DPP10: variants seen among roughly 807,000 people sequenced by gnomAD.
The protein encoded by DPP10 is inactive dipeptidyl peptidase 10.
A neutral mutation model predicts 120.9 loss-of-function variants in DPP10; 33 were observed. That is an observed-to-expected ratio of 0.27 (90% confidence interval 0.21 to 0.37). DPP10 has a LOEUF of 0.37. Ranked by LOEUF, DPP10 falls within the 10% of genes least tolerant of loss-of-function variation. The pLI, the probability that DPP10 is intolerant of heterozygous loss-of-function variation, is 1.00. For missense variants in DPP10, 816 were observed against 942.8 expected (o/e 0.87, Z 1.76); for synonymous variants, 337 against 326.1 (o/e 1.03, Z -0.36).
chr2:115,756,773 CTT>C (rs1243814686), intron 11 of DPP10, among the ~76,000 whole-genome samples: 1 of 151,972 alleles, frequency 6.6e-6, no homozygotes, highest in Non-Finnish European at 1.5e-5. Flanking sequence ...TGAACAGAAA[CTT>C]ATTGACTCAC....
At chr2:114,552,628 C>T (rs1558873691) in intron 1 of DPP10, among the ~76,000 whole-genome samples, 1 of 152,210 alleles carries the variant, frequency 6.6e-6, no homozygotes, top group Non-Finnish European at 1.5e-5. Context: ...TCACTGCAAC[C>T]TCCGTCTCCC....
intron 1 of DPP10, among the ~76,000 whole-genome samples, chr2:114,624,667 T>C (rs1428541793): frequency 1.3e-5 from 2 of 152,002 alleles, no homozygotes; most frequent in Non-Finnish European, 1.5e-5. Context: ...TATAAGATTT[T>C]TATATTATAA....
chr2:114,545,474 G>T (rs186698572), intron 1 of DPP10, among the ~76,000 whole-genome samples: 3 of 152,162 alleles, frequency 2.0e-5, no homozygotes, highest in Non-Finnish European at 4.4e-5. Flanking sequence ...GAGGGACACT[G>T]TTGAGGAGAA....
intron 5 of DPP10, among the ~76,000 whole-genome samples, chr2:115,644,695 A>T (rs1290275622): frequency 6.6e-6 from 1 of 151,578 alleles, no homozygotes; most frequent in African/African-American, 2.4e-5. Flanking sequence ...AGGCAGGAGG[A>T]TCCCTTGAGC....
chr2:115,410,463 C>T (rs1186330005), intron 3 of DPP10, among the ~76,000 whole-genome samples: 1 of 152,140 alleles, frequency 6.6e-6, no homozygotes, highest in Non-Finnish European at 1.5e-5. Context: ...GAACAACACA[C>T]ACTGGGGCCT....
At chr2:115,640,475 A>T (rs1014246161) in intron 5 of DPP10, among the ~76,000 whole-genome samples, 2 of 152,150 alleles carry the variant, frequency 1.3e-5, no homozygotes, top group African/African-American at 4.8e-5. Context: ...AAGGAAAAAA[A>T]AAAACGACAT....
intron 5 of DPP10, among the ~76,000 whole-genome samples, chr2:115,652,409 A>ATATG (rs2087868641): frequency 6.9e-6 from 1 of 145,490 alleles, no homozygotes; most frequent in Non-Finnish European, 1.5e-5. Context: ...TAGGATATAT[A>ATATG]TGTGTGTGTG....
chr2:115,289,004 A>T (rs1410714922), intron 1 of DPP10, among the ~76,000 whole-genome samples: 3 of 152,066 alleles, frequency 2.0e-5, no homozygotes, highest in South Asian at 4.1e-4. Flanking sequence ...AAATTAAACT[A>T]TCTCTGTTTG....
intron 1 of DPP10, among the ~76,000 whole-genome samples, chr2:115,177,744 GTTTTGTTTTGT>G (rs957802874): frequency 7.5e-6 from 1 of 134,018 alleles, no homozygotes; most frequent in Admixed American, 7.7e-5. Context: ...CATTGCTTTT[GTTTTGTTTTGT>G]TTTTGTTTTT....
intron 1 of DPP10, among the ~76,000 whole-genome samples, chr2:114,776,427 G>A (rs901150208): frequency 9.9e-5 from 15 of 152,066 alleles, no homozygotes; most frequent in African/African-American, 3.6e-4. Flanking sequence ...AGGTTCCAGA[G>A]CTTCCAAGAC....
intron 2 of DPP10, among the ~76,000 whole-genome samples, chr2:115,342,522 A>G (rs1172485959): frequency 1.3e-5 from 2 of 152,002 alleles, no homozygotes; most frequent in Non-Finnish European, 2.9e-5. Context: ...CCTGACATCT[A>G]TTATATGTTT....
chr2:115,333,390 G>C (rs559548896), intron 2 of DPP10, among the ~76,000 whole-genome samples: 1 of 152,130 alleles, frequency 6.6e-6, no homozygotes, highest in African/African-American at 2.4e-5. Flanking sequence ...TTGCCAGTCT[G>C]TGTCTTTTAA....
At chr2:114,942,744 G>T (rs1172122467) in intron 1 of DPP10, among the ~76,000 whole-genome samples, 1 of 151,694 alleles carries the variant, frequency 6.6e-6, no homozygotes, top group Admixed American at 6.6e-5. Context: ...ATTATACCTT[G>T]CTCAGTGTAA....
At chr2:115,363,445 A>T (rs527253611) in intron 3 of DPP10, among the ~76,000 whole-genome samples, 38 of 152,298 alleles carry the variant, frequency 2.5e-4, no homozygotes, top group Admixed American at 5.9e-4. Flanking sequence ...TGAACCATTC[A>T]GCTGTGTTGT....
intron 1 of DPP10, among the ~76,000 whole-genome samples, chr2:114,902,699 C>A (rs1479441980): frequency 6.6e-6 from 1 of 152,124 alleles, no homozygotes; most frequent in Non-Finnish European, 1.5e-5. Flanking sequence ...CAGAGACTTC[C>A]CTGATACTAC....
chr2:114,549,663 CAAAA>C (rs869226518), intron 1 of DPP10, among the ~76,000 whole-genome samples: 3 of 76,492 alleles, frequency 3.9e-5, no homozygotes, highest in East Asian at 4.8e-4. Flanking sequence ...TGTGTGTCAA[CAAAA>C]AAAAAAAAAA....
At chr2:115,384,039 C>G (rs1270182896) in intron 3 of DPP10, among the ~76,000 whole-genome samples, 1 of 152,138 alleles carries the variant, frequency 6.6e-6, no homozygotes, top group Non-Finnish European at 1.5e-5. Context: ...ATTCAGAAAA[C>G]AATACCCCAA....
intron 1 of DPP10, among the ~76,000 whole-genome samples, chr2:115,030,513 G>A (rs1162219374): frequency 6.6e-6 from 1 of 152,144 alleles, no homozygotes; most frequent in Non-Finnish European, 1.5e-5. Context: ...CGGGGTATGT[G>A]TACAGAATGT....
chr2:114,632,873 TA>T (rs1223847699), intron 1 of DPP10, among the ~76,000 whole-genome samples: 1 of 152,152 alleles, frequency 6.6e-6, no homozygotes, highest in East Asian at 1.9e-4. Context: ...CTTTTGCTGC[TA>T]AAATTATCCC....
Sources: gnomAD v4.1 joint callset for allele counts (sites outside exome capture counted in the v4.1 genomes callset) on GRCh38, gnomAD v4.1.1 for gene constraint, MANE v1.5 for transcripts, NCBI Gene and HGNC (gene_info 2026-07-23, HGNC 2026-07-21) for gene names.